Variants in CCDC141 observed in about 807,000 individuals in gnomAD.
CCDC141 encodes coiled-coil domain containing 141.
Under a neutral mutation model 181.0 loss-of-function variants are expected in CCDC141, and 168 were observed. The ratio of observed to expected loss-of-function variants is 0.93; its 90% CI spans 0.82 to 1.05. CCDC141 has a LOEUF of 1.05. Among genes scored for constraint, CCDC141 ranks in the 50% least tolerant of loss-of-function variants. The pLI is 0.00. For synonymous variants in CCDC141, 666 were observed against 642.3 expected, an observed-to-expected ratio of 1.04 and a Z score of -0.56; for missense variants, 1,902 against 1,788.5, an observed-to-expected ratio of 1.06 and a Z score of -1.14.
chr2:178,857,648 G>C (rs565383378), intron 17 of CCDC141, among the ~76,000 whole-genome samples: 221 of 152,076 alleles, frequency 1.5e-3, no homozygotes, highest in Non-Finnish European at 2.5e-3. Flanking sequence ...CTCTCTCTTT[G>C]TATTATCACC....
chr2:178,983,383 C>T (rs573363019), intron 2 of CCDC141, among the ~76,000 whole-genome samples: 1 of 152,188 alleles, frequency 6.6e-6, no homozygotes, highest in Non-Finnish European at 1.5e-5. Flanking sequence ...AACAGAAAAA[C>T]TAGAAACTCT....
At chr2:178,879,358 A>G (rs936338817) in intron 11 of CCDC141, among the ~76,000 whole-genome samples, 8 of 152,172 alleles carry the variant, frequency 5.3e-5, no homozygotes, top group African/African-American at 1.9e-4. Context: ...AGATTTTCAC[A>G]TTTTTCTTAA....
chr2:178,989,388 G>A (rs1432499352), intron 2 of CCDC141, among the ~76,000 whole-genome samples: 2 of 151,938 alleles, frequency 1.3e-5, no homozygotes, highest in Non-Finnish European at 2.9e-5. Flanking sequence ...GAGATCAGGA[G>A]TTCGAGACCA....
intron 4 of CCDC141, among the ~76,000 whole-genome samples, chr2:178,971,827 A>G (rs1325193803): frequency 6.6e-6 from 1 of 152,210 alleles, no homozygotes; most frequent in Non-Finnish European, 1.5e-5. Context: ...TCATGAGAAC[A>G]GAAAACCAAA....
intron 11 of CCDC141, among the ~76,000 whole-genome samples, chr2:178,884,548 A>G (rs1686785442): frequency 6.6e-6 from 1 of 152,156 alleles, no homozygotes; most frequent in Admixed American, 6.6e-5. Flanking sequence ...CAAGAATGTA[A>G]CCAGCTGCCT....
chr2:178,815,313 C>T, the CCDC141 span, among the ~76,000 whole-genome samples: 1 of 152,170 alleles, frequency 6.6e-6, no homozygotes, highest in African/African-American at 2.4e-5. Flanking sequence ...GTGGAGCAGG[C>T]TGGAGAGGAC....
At chr2:178,866,840 C>T (rs1054224046) in intron 16 of CCDC141, among the ~76,000 whole-genome samples, 3 of 152,158 alleles carry the variant, frequency 2.0e-5, no homozygotes, top group Non-Finnish European at 2.9e-5. Flanking sequence ...ATTCTTCTGC[C>T]TCAGCCTCCC....
At chr2:178,835,921 A>G (rs1458616146) in intron 23 of CCDC141, 1 of 152,654 alleles carries the variant, frequency 6.6e-6, no homozygotes, top group Non-Finnish European at 1.5e-5. Context: ...AAATAATTTG[A>G]GAAACCAAAG....
chr2:178,906,562 C>T (rs1010665950), intron 7 of CCDC141, among the ~76,000 whole-genome samples: 3 of 152,144 alleles, frequency 2.0e-5, no homozygotes, highest in African/African-American at 7.2e-5. Flanking sequence ...TGTTCCATAC[C>T]AATCTGGAAA....
At chr2:179,044,597 C>T (rs1224211277) in intron 2 of CCDC141, among the ~76,000 whole-genome samples, 1 of 152,130 alleles carries the variant, frequency 6.6e-6, no homozygotes, top group African/African-American at 2.4e-5. Flanking sequence ...AGCTCACCCA[C>T]CACTACCCAC....
At chr2:178,937,872 T>C (rs544108370) in intron 6 of CCDC141, among the ~76,000 whole-genome samples, 4 of 152,222 alleles carry the variant, frequency 2.6e-5, no homozygotes, top group Admixed American at 6.6e-5. Flanking sequence ...TAGTTTCTGA[T>C]GGTTATTTTT....
intron 2 of CCDC141, among the ~76,000 whole-genome samples, chr2:178,994,556 A>G (rs1348694365): frequency 1.3e-5 from 2 of 151,996 alleles, no homozygotes; most frequent in Non-Finnish European, 2.9e-5. Context: ...TGCTGTGAAG[A>G]CCTCTGACAT....
intron 17 of CCDC141, among the ~76,000 whole-genome samples, chr2:178,862,418 T>G (rs1026437931): frequency 1.3e-5 from 2 of 152,324 alleles, no homozygotes; most frequent in East Asian, 3.9e-4. Flanking sequence ...AAAGGTACTG[T>G]TTTTGGTCAG....
intron 8 of CCDC141, among the ~76,000 whole-genome samples, chr2:178,893,528 T>C (rs375073340): frequency 6.6e-6 from 1 of 152,102 alleles, no homozygotes; most frequent in East Asian, 1.9e-4. Flanking sequence ...TTTCTTTTTG[T>C]CTATGGACAA....
chr2:178,938,361 C>T (rs1689372982), intron 6 of CCDC141, among the ~76,000 whole-genome samples: 1 of 152,132 alleles, frequency 6.6e-6, no homozygotes, highest in Non-Finnish European at 1.5e-5. Flanking sequence ...ACCCAAAAGT[C>T]ACTCAGGAGC....
intron 4 of CCDC141, among the ~76,000 whole-genome samples, chr2:178,970,748 A>T (rs1208622549): frequency 5.2e-5 from 8 of 152,382 alleles, no homozygotes; most frequent in East Asian, 3.9e-4. Flanking sequence ...AGCAATGGCA[A>T]CAAAAGCCAA....
intron 7 of CCDC141, among the ~76,000 whole-genome samples, chr2:178,906,248 A>G (rs756475499): frequency 3.3e-5 from 5 of 152,254 alleles, no homozygotes; most frequent in Non-Finnish European, 5.9e-5. Context: ...CCCAGCATGC[A>G]GGATTAAGCT....
intron 21 of CCDC141, among the ~76,000 whole-genome samples, chr2:178,847,251 C>G (rs1278231900): frequency 6.6e-6 from 1 of 152,144 alleles, no homozygotes; most frequent in Non-Finnish European, 1.5e-5. Context: ...CAAAGCAGGC[C>G]AGGTGCGGTG....
Position 179,049,970 on chromosome 2 carries a change from G to C in CCDC141, c.-29C>G, listed in dbSNP as rs1452009088. 1 of 1,550,114 alleles carries C rather than the reference G, an allele frequency of 6.5e-7. No individual in the cohort carries two copies. Among genetic ancestry groups the C allele is most frequent in the Non-Finnish European group, 8.7e-7 (1 of 1,146,718 alleles). On this transcript the variant is annotated 5_prime_UTR_variant, in exon 1 of 24. Coordinates refer to ENST00000443758, the MANE Select transcript of CCDC141 (RefSeq NM_173648.4). ...ACTTTAGAACCAGAGTTTATACTTT[G>C]GGCAGCCTCTGGACAGTTGTGTGTC... is the stretch of plus-strand genomic sequence containing the variant.
Sources: gnomAD v4.1 joint callset for allele counts (sites outside exome capture counted in the v4.1 genomes callset) on GRCh38, gnomAD v4.1.1 for gene constraint, MANE v1.5 for transcripts, NCBI Gene and HGNC (gene_info 2026-07-23, HGNC 2026-07-21) for gene names.